Variants in CDH4 observed in about 807,000 individuals in gnomAD.
CDH4 encodes the protein cadherin 4, also known as cadherin-4.
CDH4 carries 33 observed loss-of-function variants against 86.0 expected under a neutral mutation model. The observed-to-expected ratio is 0.38, with a 90% CI of 0.29 to 0.51. CDH4 has a LOEUF of 0.51. Among genes scored for constraint, CDH4 ranks in the 20% least tolerant of loss-of-function variants. The pLI, the probability that CDH4 is intolerant of heterozygous loss-of-function variation, is 0.86. For synonymous variants in CDH4, 555 were observed against 549.4 expected (o/e 1.01, Z -0.14); for missense variants, 1,114 against 1,307.4 (o/e 0.85, Z 2.28).
At chr20:61,318,940 G>A (rs1050547004) in intron 2 of CDH4, among the ~76,000 whole-genome samples, 2 of 152,212 alleles carry the variant, frequency 1.3e-5, no homozygotes, top group East Asian at 1.9e-4. Context: ...TGCCCGCAAT[G>A]ATGCTGCCAT....
chr20:61,534,648 CT>C (rs374753391), intron 2 of CDH4, among the ~76,000 whole-genome samples: 9,132 of 105,960 alleles, frequency 0.086, 725 homozygotes, highest in East Asian at 0.29. Flanking sequence ...TTCTTTCTTT[CT>C]TTTCTTTCTT....
In CDH4 at chr20:61,924,464, G is replaced by A; in HGVS notation, c.1759G>A (p.Ala587Thr). Residue 587 changes from alanine to threonine, a missense_variant, in exon 11 of 16, where the codon GCA (alanine) becomes ACA (threonine). By Grantham distance (58) the Ala-to-Thr change is moderately conservative. Transcript: ENST00000614565. ...CAACGTCTACGAGGCCACCTTCCTG[G>A]CAGCTGACAATGGTGCGGCCCACCC... is the stretch of plus-strand genomic sequence containing the variant. ...KNNVYEATFL[A>T]ADNGIPPASG... 2.5e-6 allele frequency: 4 copies of A among 1,613,342 alleles called. No individual in the cohort carries two copies. Among genetic ancestry groups the A allele is most frequent in the Non-Finnish European group, 2.5e-6 (3 of 1,179,730 alleles).
At chr20:61,330,816 C>T (rs1474885757) in intron 2 of CDH4, among the ~76,000 whole-genome samples, 5 of 152,200 alleles carry the variant, frequency 3.3e-5, no homozygotes, top group East Asian at 1.9e-4. Context: ...CCCTTCCAAT[C>T]GCTGCCTGGT....
At chr20:61,286,295 A>G (rs571280253) in intron 2 of CDH4, among the ~76,000 whole-genome samples, 1 of 152,318 alleles carries the variant, frequency 6.6e-6, no homozygotes, top group African/African-American at 2.4e-5. Context: ...AGTCCAGAGG[A>G]GTGCGTGTGC....
intron 2 of CDH4, among the ~76,000 whole-genome samples, chr20:61,311,720 G>GA (rs935152786): frequency 2.0e-5 from 3 of 151,364 alleles, no homozygotes; most frequent in Non-Finnish European, 4.4e-5. Flanking sequence ...AACTGAAATT[G>GA]AAAAAAAAAT....
At chr20:61,357,459 C>A (rs183910294) in intron 2 of CDH4, among the ~76,000 whole-genome samples, 10 of 152,362 alleles carry the variant, frequency 6.6e-5, no homozygotes, top group Admixed American at 6.5e-4. Context: ...TTCCTGGAAC[C>A]TGCCCTTCAT....
chr20:61,432,980 A>G (rs950815229), intron 2 of CDH4, among the ~76,000 whole-genome samples: 2 of 151,688 alleles, frequency 1.3e-5, no homozygotes, highest in African/African-American at 4.9e-5. Context: ...CTGGGATTAC[A>G]GGCACGTGCC....
chr20:61,549,900 G>C (rs2086114941), intron 2 of CDH4, among the ~76,000 whole-genome samples: 1 of 152,200 alleles, frequency 6.6e-6, no homozygotes, highest in South Asian at 2.1e-4. Flanking sequence ...TGTGCTTGTG[G>C]TCAGCTGCCA....
chr20:61,291,143 A>G (rs1156961241), intron 2 of CDH4, among the ~76,000 whole-genome samples: 2 of 152,010 alleles, frequency 1.3e-5, no homozygotes, highest in African/African-American at 2.4e-5. Context: ...TTTTCCAGTC[A>G]TCCTCCCCCA....
At chr20:61,408,711 A>G (rs2085097971) in intron 2 of CDH4, among the ~76,000 whole-genome samples, 1 of 119,542 alleles carries the variant, frequency 8.4e-6, no homozygotes. Context: ...TCCTGGTTCC[A>G]TTTCATTTTG....
At chr20:61,605,042 C>T (rs555272116) in intron 2 of CDH4, among the ~76,000 whole-genome samples, 2 of 152,294 alleles carry the variant, frequency 1.3e-5, no homozygotes, top group South Asian at 4.2e-4. Context: ...GTGTGGAAGG[C>T]TGGCCTCTCG....
intron 2 of CDH4, among the ~76,000 whole-genome samples, chr20:61,565,653 C>T (rs1389113335): frequency 6.6e-6 from 1 of 152,106 alleles, no homozygotes; most frequent in Non-Finnish European, 1.5e-5. Context: ...GCAGTTGCAG[C>T]TGGGGCCACA....
chr20:61,617,947 T>G (rs961351319), intron 2 of CDH4, among the ~76,000 whole-genome samples: 3 of 152,140 alleles, frequency 2.0e-5, no homozygotes, highest in African/African-American at 7.2e-5. Flanking sequence ...TGTCATGAGA[T>G]CTGATGGTTT....
intron 8 of CDH4, among the ~76,000 whole-genome samples, chr20:61,899,283 C>T (rs79162430): frequency 7.4e-6 from 1 of 134,274 alleles, no homozygotes; most frequent in Non-Finnish European, 1.6e-5. Context: ...TAGCCTGTCT[C>T]AAAAAAAAAA....
At chr20:61,534,648 C>CTTTCTTTTTTTTTT (rs1568881693) in intron 2 of CDH4, among the ~76,000 whole-genome samples, 5 of 108,384 alleles carry the variant, frequency 4.6e-5, no homozygotes, top group African/African-American at 2.6e-4. Context: ...TTCTTTCTTT[C>CTTTCTTTTTTTTTT]TTTTCTTTCT....
intron 2 of CDH4, among the ~76,000 whole-genome samples, chr20:61,678,168 A>G (rs1233961306): frequency 6.8e-6 from 1 of 147,884 alleles, no homozygotes; most frequent in Non-Finnish European, 1.5e-5. Flanking sequence ...ATGATGGATG[A>G]TGGATGGATG....
rs543567318 is a variant in CDH4 at position 61,687,644 on chromosome 20, C to T, written c.170-55919C>T. On this transcript the variant is annotated intron_variant, in intron 2 of 15. Coordinates refer to ENST00000614565, the MANE Select transcript of CDH4 (RefSeq NM_001794.5). ...GGGTTTCCTCTCTGCTAAACAAATG[C>T]GTGTAAGTTTTTTAAATTCCCAAGT... Among the ~76,000 whole-genome samples, 7 of 152,308 alleles carry T rather than the reference C, an allele frequency of 4.6e-5. No homozygotes were observed. The South Asian group carries it at 1.0e-3, about 23-fold the overall frequency.
Position 61,810,894 on chromosome 20 carries a change from C to T in CDH4, c.577-33774C>T, listed in dbSNP as rs1380679981. On this transcript the variant is annotated intron_variant, in intron 4 of 15. Transcript: ENST00000614565. The surrounding 1 kb of genome is among the most constrained non-coding windows in gnomAD (Gnocchi z 4.3). The stretch of plus-strand genomic sequence containing the variant: ...AACGCAGCCAGCACAGAGGGTATGG[C>T]CGCTCCAGGAAGCTTCGAGACGGGG... Among the ~76,000 whole-genome samples, 1 of 152,166 alleles carries T rather than the reference C, an allele frequency of 6.6e-6. No homozygotes were observed. The highest frequency in any genetic ancestry group is 1.5e-5 in the Non-Finnish European group (1 of 68,034).
chr20:61,698,755 A>G (rs1288179665), intron 2 of CDH4, among the ~76,000 whole-genome samples: 1 of 152,232 alleles, frequency 6.6e-6, no homozygotes, highest in African/African-American at 2.4e-5. Flanking sequence ...CAGTGTGACA[A>G]CCAAGGAGAT....
Sources: gnomAD v4.1 joint callset for allele counts (sites outside exome capture counted in the v4.1 genomes callset) on GRCh38, gnomAD v4.1.1 for gene constraint, Gnocchi (gnomAD v3.1) non-coding constraint, MANE v1.5 for transcripts, NCBI Gene and HGNC (gene_info 2026-07-23, HGNC 2026-07-21) for gene names.